Variants in GRIK2 observed in about 807,000 individuals in gnomAD.
GRIK2 encodes the protein glutamate ionotropic receptor kainate type subunit 2.
In GRIK2, 32 loss-of-function variants were observed where a neutral mutation model predicts 100.3. That is an observed-to-expected ratio of 0.32 (90% CI 0.24 to 0.43). The LOEUF (loss-of-function observed/expected upper bound fraction) is 0.43. Among genes scored for constraint, GRIK2 ranks in the 20% least tolerant of loss-of-function variants. GRIK2 has a pLI of 1.00. For missense variants in GRIK2, 843 were observed against 1,114.9 expected (o/e 0.76, Z 3.47); for synonymous variants, 417 against 389.4 (o/e 1.07, Z -0.83).
chr6:101,639,370 G>C (rs1422021323), intron 4 of GRIK2, among the ~76,000 whole-genome samples: 1 of 152,110 alleles, frequency 6.6e-6, no homozygotes, highest in Non-Finnish European at 1.5e-5. Context: ...TGTTGACCTA[G>C]TGTATCACAT....
At chr6:101,471,490 A>G (rs1218951709) in intron 2 of GRIK2, among the ~76,000 whole-genome samples, 1 of 152,014 alleles carries the variant, frequency 6.6e-6, no homozygotes, top group Non-Finnish European at 1.5e-5. Flanking sequence ...GACTACTGGA[A>G]TCTAATTATT....
intron 16 of GRIK2, among the ~76,000 whole-genome samples, chr6:102,062,283 C>A (rs1049222071): frequency 1.3e-5 from 2 of 150,304 alleles, no homozygotes; most frequent in African/African-American, 4.8e-5. Flanking sequence ...TAATTTTTTT[C>A]TGTCTGCTGT....
chr6:101,791,975 C>G (rs1158282965), intron 7 of GRIK2, among the ~76,000 whole-genome samples: 17 of 151,978 alleles, frequency 1.1e-4, no homozygotes, highest in African/African-American at 4.1e-4. Flanking sequence ...CCTTCTTTGT[C>G]TCTTTTGATC....
rs374101542 is a variant in GRIK2, at chr6:101,907,952, C to A, written c.1749-16649C>A. Among the ~76,000 whole-genome samples, 362 of 151,608 alleles carry A rather than the reference C, an allele frequency of 2.4e-3. 1 individual carries two copies. The highest frequency in any genetic ancestry group is 3.8e-3 in the Non-Finnish European group (256 of 67,706). On this transcript the variant is annotated intron_variant, in intron 12 of 16. Transcript: ENST00000369134. The stretch of plus-strand genomic sequence containing the variant: ...GTCTTTGGAATTTTCTTCCTCCTCT[C>A]CCCTTTTATCTTCCTCCTCCTTCTT...
At chr6:101,717,122 G>C (rs1774129701) in intron 7 of GRIK2, among the ~76,000 whole-genome samples, 1 of 151,736 alleles carries the variant, frequency 6.6e-6, no homozygotes, top group Non-Finnish European at 1.5e-5. Context: ...AAGAAGAATG[G>C]AAAGTGTTTG....
At chr6:101,827,557 A>T (rs1179539030) in intron 10 of GRIK2, among the ~76,000 whole-genome samples, 1 of 151,882 alleles carries the variant, frequency 6.6e-6, no homozygotes, top group East Asian at 1.9e-4. Context: ...ACACCCATAG[A>T]CTCAAAATAA....
rs58354142 is a variant in GRIK2, at chr6:101,997,858, G to A, written c.2086-37483G>A. Among the ~76,000 whole-genome samples, 514 of 151,352 alleles carry A rather than the reference G, an allele frequency of 3.4e-3. 3 individuals are homozygous for A. The highest frequency in any genetic ancestry group is 0.012 in the African/African-American group (496 of 41,246). ...CTTTTTCAAAATTTGCTCTTCTATG[G>A]AAGTTTATTATGATATGTAAACTTT... On this transcript the variant is annotated intron_variant, in intron 14 of 16. Transcript: ENST00000369134.
At chr6:101,777,608 T>C (rs562130382) in intron 7 of GRIK2, among the ~76,000 whole-genome samples, 3 of 152,196 alleles carry the variant, frequency 2.0e-5, no homozygotes, top group African/African-American at 7.2e-5. Flanking sequence ...TTTTTATTAT[T>C]TTCTTTAGTA....
At chr6:101,712,957 G>A (rs541872970) in intron 7 of GRIK2, among the ~76,000 whole-genome samples, 138 of 151,866 alleles carry the variant, frequency 9.1e-4, no homozygotes, top group African/African-American at 3.1e-3. Context: ...CTCCCTACCA[G>A]TATTGGATTG....
At chr6:101,974,576 G>A (rs543273716) in intron 14 of GRIK2, among the ~76,000 whole-genome samples, 8 of 152,146 alleles carry the variant, frequency 5.3e-5, no homozygotes, top group East Asian at 1.9e-4. Flanking sequence ...TGGCAACTCC[G>A]GCAGGGGAAT....
At chr6:102,032,439 G>A (rs1296246579) in intron 14 of GRIK2, among the ~76,000 whole-genome samples, 2 of 151,250 alleles carry the variant, frequency 1.3e-5, no homozygotes, top group African/African-American at 2.4e-5. Flanking sequence ...GTGAGCTTAA[G>A]ATGGGGCCTG....
At chr6:101,670,933 A>G (rs1399293281) in intron 4 of GRIK2, among the ~76,000 whole-genome samples, 1 of 152,216 alleles carries the variant, frequency 6.6e-6, no homozygotes, top group Non-Finnish European at 1.5e-5. Flanking sequence ...TGCCTTGCAC[A>G]AAGCCACACG....
intron 7 of GRIK2, among the ~76,000 whole-genome samples, chr6:101,759,260 T>C (rs1777331211): frequency 6.6e-6 from 1 of 152,228 alleles, no homozygotes; most frequent in African/African-American, 2.4e-5. Flanking sequence ...GAACATGCTA[T>C]TGAAGATTAT....
intron 7 of GRIK2, among the ~76,000 whole-genome samples, chr6:101,788,464 G>GT (rs1328911505): frequency 5.3e-5 from 8 of 152,002 alleles, no homozygotes; most frequent in African/African-American, 1.7e-4. Context: ...GCAGTGTTTG[G>GT]TTTTTTGTCC....
chr6:101,794,009 C>T lies in GRIK2; in HGVS notation c.952-5639C>T, dbSNP rs555335473. Among the ~76,000 whole-genome samples, 31 of 152,262 alleles carry T rather than the reference C, an allele frequency of 2.0e-4. No individual in the cohort carries two copies. The South Asian group carries it at 2.1e-3, about 10-fold the overall frequency. On this transcript the variant is annotated intron_variant, in intron 7 of 16. Transcript: ENST00000369134. Reference sequence around the variant, plus strand: ...GAGACTCCATGGGCGTAGGACCCTCCGAGCCAGGTGCAGGATATAATCTCC... The same window carrying T: ...GAGACTCCATGGGCGTAGGACCCTCTGAGCCAGGTGCAGGATATAATCTCC...
At chr6:101,410,781 C>T (rs1467458995) in intron 2 of GRIK2, among the ~76,000 whole-genome samples, 1 of 151,994 alleles carries the variant, frequency 6.6e-6, no homozygotes, top group Non-Finnish European at 1.5e-5. Context: ...TACCCCTGAA[C>T]CTAAAGTCAA....
At chr6:101,438,948 G>C (rs1210109173) in intron 2 of GRIK2, among the ~76,000 whole-genome samples, 4 of 152,124 alleles carry the variant, frequency 2.6e-5, no homozygotes, top group African/African-American at 9.7e-5. Flanking sequence ...TTGTTGATAA[G>C]TGTATAGAAC....
intron 2 of GRIK2, among the ~76,000 whole-genome samples, chr6:101,455,062 T>C (rs1770921878): frequency 1.3e-5 from 2 of 152,204 alleles, no homozygotes; most frequent in South Asian, 2.1e-4. Flanking sequence ...TTTTACCTAC[T>C]GGATTTGGTT....
chr6:101,966,044 G>T (rs1792652159), intron 14 of GRIK2, among the ~76,000 whole-genome samples: 1 of 152,016 alleles, frequency 6.6e-6, no homozygotes, highest in African/African-American at 2.4e-5. Context: ...TGTACTTTGT[G>T]TATAACTTTA....
Sources: gnomAD v4.1 joint callset for allele counts (sites outside exome capture counted in the v4.1 genomes callset) on GRCh38, gnomAD v4.1.1 for gene constraint, MANE v1.5 for transcripts, NCBI Gene and HGNC (gene_info 2026-07-23, HGNC 2026-07-21) for gene names.